The following GRIK4 variants were observed in gnomAD, a reference collection of about 807,000 sequenced individuals.
GRIK4 encodes glutamate ionotropic receptor kainate type subunit 4.
GRIK4 carries 40 observed loss-of-function variants against 104.9 expected under a neutral mutation model. That is an observed-to-expected ratio of 0.38 (90% CI 0.30 to 0.50). The LOEUF is 0.50. Ranked by LOEUF, GRIK4 falls within the 20% of genes least tolerant of loss-of-function variation. The pLI, the probability that GRIK4 is intolerant of heterozygous loss-of-function variation, is 0.93. For missense variants in GRIK4, 1,047 were observed against 1,308.1 expected, an observed-to-expected ratio of 0.80 and a Z score of 3.08; for synonymous variants, 485 against 524.9, an observed-to-expected ratio of 0.92 and a Z score of 1.04.
intron 3 of GRIK4, among the ~76,000 whole-genome samples, chr11:120,735,644 G>T (rs1251347919): frequency 6.6e-6 from 1 of 151,838 alleles, no homozygotes; most frequent in Non-Finnish European, 1.5e-5. Flanking sequence ...GTTCCCCCAG[G>T]CCCAAAGTGG....
intron 3 of GRIK4, among the ~76,000 whole-genome samples, chr11:120,740,749 A>G (rs1565325101): frequency 6.6e-6 from 1 of 152,216 alleles, no homozygotes; most frequent in South Asian, 2.1e-4. Flanking sequence ...CCATCAGTCA[A>G]TCCACCTCCC....
chr11:120,911,739 G>A (rs1231828724), intron 13 of GRIK4, among the ~76,000 whole-genome samples: 3 of 150,508 alleles, frequency 2.0e-5, no homozygotes, highest in Non-Finnish European at 4.4e-5. Flanking sequence ...CTACTCAGGA[G>A]GCTGAAGCAG....
intron 3 of GRIK4, among the ~76,000 whole-genome samples, chr11:120,724,804 T>G (rs1950999734): frequency 6.6e-6 from 1 of 152,248 alleles, no homozygotes; most frequent in Admixed American, 6.5e-5. Flanking sequence ...TGTTCTGAAT[T>G]TTACCAAAAT....
At chr11:120,759,192 T>C (rs1013180826) in intron 3 of GRIK4, among the ~76,000 whole-genome samples, 10 of 152,216 alleles carry the variant, frequency 6.6e-5, no homozygotes, top group African/African-American at 2.4e-4. Flanking sequence ...GAGAGCTTTC[T>C]GGGCAGAGGG....
intron 1 of GRIK4, among the ~76,000 whole-genome samples, chr11:120,569,833 C>A (rs1231427009): frequency 6.6e-6 from 1 of 152,124 alleles, no homozygotes; most frequent in African/African-American, 2.4e-5. Flanking sequence ...AAACTGGGAA[C>A]CTGAGGGAGG....
chr11:120,765,977 A>C (rs1418601493), intron 3 of GRIK4, among the ~76,000 whole-genome samples: 1 of 152,234 alleles, frequency 6.6e-6, no homozygotes, highest in Middle Eastern at 3.2e-3. Flanking sequence ...GAGCTTGAGC[A>C]CTGTGCTGGG....
At chr11:120,762,424 AC>A (rs1317738466) in intron 3 of GRIK4, among the ~76,000 whole-genome samples, 3 of 152,144 alleles carry the variant, frequency 2.0e-5, no homozygotes, top group Non-Finnish European at 2.9e-5. Context: ...CTATTTGAAT[AC>A]CCTTTATTTC....
At chr11:120,514,315 A>T (rs1442421326) in intron 1 of GRIK4, among the ~76,000 whole-genome samples, 1 of 152,156 alleles carries the variant, frequency 6.6e-6, no homozygotes, top group Non-Finnish European at 1.5e-5. Context: ...TCTCTACTAC[A>T]GCCCTGCAAG....
rs372358437 is a variant in GRIK4 at position 120,982,249 on chromosome 11, G to A, written c.2514+25G>A. 4.0e-6 allele frequency: 5 copies of A among 1,246,578 alleles called. No individual in the cohort carries two copies. In the African/African-American group the frequency reaches 4.4e-5, roughly 11 times the overall value. 77.2% of individuals were successfully genotyped at this position (1,246,578 alleles called of 1,614,324 possible). A position where few individuals can be genotyped will look rare whatever the true frequency, so the allele number is the denominator to read the frequency against. On this transcript the variant is annotated intron_variant, in intron 20 of 20. Transcript: ENST00000527524. Reference sequence around the variant, plus strand: ...GGTAAACTTTCAAAGGGGTATGATCGATCGTGTTGGCAGATGGGGTGAAGT... The same window carrying A: ...GGTAAACTTTCAAAGGGGTATGATCAATCGTGTTGGCAGATGGGGTGAAGT...
At chr11:120,548,376 G>A (rs992335345) in intron 1 of GRIK4, among the ~76,000 whole-genome samples, 5 of 152,016 alleles carry the variant, frequency 3.3e-5, no homozygotes, top group African/African-American at 9.7e-5. Context: ...AAGTGGAGAC[G>A]TAGGGCAAAG....
intron 1 of GRIK4, among the ~76,000 whole-genome samples, chr11:120,578,825 G>A (rs1031359153): frequency 6.6e-6 from 1 of 152,182 alleles, no homozygotes; most frequent in Non-Finnish European, 1.5e-5. Context: ...TCCTCACTTG[G>A]CTCATCTCCA....
At chr11:120,806,105 A>G (rs1263774337) in intron 4 of GRIK4, among the ~76,000 whole-genome samples, 1 of 152,164 alleles carries the variant, frequency 6.6e-6, no homozygotes, top group Non-Finnish European at 1.5e-5. Flanking sequence ...AACGCTCGGC[A>G]CTGCACATAG....
At position 120,549,277 on chromosome 11, in the gene GRIK4, A is replaced by AT. The variant is rs34221592; in HGVS notation, c.-159+37399dup. Among the ~76,000 whole-genome samples, 18 of 150,822 alleles carry AT rather than the reference A, an allele frequency of 1.2e-4. No individual in the cohort carries two copies. Among genetic ancestry groups the AT allele is most frequent in the Non-Finnish European group, 1.6e-4 (11 of 67,640 alleles). On this transcript the variant is annotated intron_variant, in intron 1 of 20. Transcript: ENST00000527524. The surrounding 1 kb of genome is among the most constrained non-coding windows in gnomAD (Gnocchi z 4.7). ...CTACACCTGGCTAATTTTTGTATAT[A>AT]TTTTTTTTTAAGTAAAGTCGGGCTT...
At chr11:120,803,508 G>T (rs1952660737) in intron 4 of GRIK4, among the ~76,000 whole-genome samples, 1 of 152,156 alleles carries the variant, frequency 6.6e-6, no homozygotes, top group South Asian at 2.1e-4. Flanking sequence ...CACAATCTCA[G>T]CTCACTGCAA....
At chr11:120,799,092 A>G (rs1183229750) in intron 3 of GRIK4, among the ~76,000 whole-genome samples, 1 of 152,206 alleles carries the variant, frequency 6.6e-6, no homozygotes, top group Non-Finnish European at 1.5e-5. Context: ...GTGACTCTGA[A>G]ACATGAACAA....
At chr11:120,635,136 G>A (rs1949382827) in intron 1 of GRIK4, among the ~76,000 whole-genome samples, 1 of 152,172 alleles carries the variant, frequency 6.6e-6, no homozygotes, top group Non-Finnish European at 1.5e-5. Flanking sequence ...TCCCTGCAAA[G>A]GGTCGGGTTC....
At chr11:120,919,384 GA>G (rs1478148406) in intron 13 of GRIK4, among the ~76,000 whole-genome samples, 1 of 152,142 alleles carries the variant, frequency 6.6e-6, no homozygotes, top group Non-Finnish European at 1.5e-5. Flanking sequence ...AGTTTTTAAA[GA>G]AGATGAGTAA....
At chr11:120,961,583 T>C (rs1201055320) in intron 17 of GRIK4, among the ~76,000 whole-genome samples, 1 of 152,184 alleles carries the variant, frequency 6.6e-6, no homozygotes, top group East Asian at 1.9e-4. Flanking sequence ...CCAGACTTGA[T>C]AGGTATCAGA....
intron 3 of GRIK4, among the ~76,000 whole-genome samples, chr11:120,773,478 G>T (rs986544949): frequency 6.6e-6 from 1 of 152,220 alleles, no homozygotes; most frequent in Non-Finnish European, 1.5e-5. Context: ...GACCAAACAC[G>T]GAGAGAAAGC....
Sources: allele counts gnomAD v4.1 joint callset (sites outside exome capture counted in the v4.1 genomes callset), GRCh38; gene constraint gnomAD v4.1.1; non-coding constraint Gnocchi (gnomAD v3.1); transcripts MANE v1.5; gene names NCBI Gene and HGNC (gene_info 2026-07-23, HGNC 2026-07-21).